CDK14: variants seen among roughly 807,000 people sequenced by gnomAD.
CDK14 encodes cyclin dependent kinase 14, also known as cyclin-dependent kinase 14.
CDK14 carries 34 observed loss-of-function variants against 60.7 expected under a neutral mutation model. That is an observed-to-expected ratio of 0.56 (90% CI 0.43 to 0.75). The LOEUF is 0.75. Ranked by LOEUF, CDK14 falls within the 30% of genes least tolerant of loss-of-function variation. The probability of loss-of-function intolerance (pLI) is 0.00; values close to 1 mark genes in which losing one functional copy is unlikely to be tolerated. For synonymous variants in CDK14, 197 were observed against 203.7 expected, an observed-to-expected ratio of 0.97 and a Z score of 0.28; for missense variants, 482 against 564.1, an observed-to-expected ratio of 0.85 and a Z score of 1.47.
chr7:90,620,210 A>C lies in CDK14; in HGVS notation c.123+15961A>C, dbSNP rs118134987. Among the ~76,000 whole-genome samples the C allele has an allele frequency of 9.7e-3, 1,471 of 152,332 alleles. 17 individuals carry two copies. The highest frequency in any genetic ancestry group is 0.019 in the East Asian group (101 of 5,190). On this transcript the variant is annotated intron_variant, in intron 2 of 14. Transcript: ENST00000380050. ...CTACCACTTCAAGGATCAGCAAGGCACAGACAAGCCACAGGAATTATTAAC... is the reference window on the plus strand; with the variant it reads ...CTACCACTTCAAGGATCAGCAAGGCCCAGACAAGCCACAGGAATTATTAAC...
At chr7:90,891,260 G>A (rs1792116058) in intron 6 of CDK14, among the ~76,000 whole-genome samples, 2 of 152,132 alleles carry the variant, frequency 1.3e-5, no homozygotes, top group African/African-American at 4.8e-5. Context: ...TAATCAGATG[G>A]CATGTATACC....
chr7:91,118,197 A>C lies in CDK14; in HGVS notation c.*17A>C. 5.5e-4 allele frequency: 800 copies of C among 1,455,514 alleles called. No homozygotes were observed. The highest frequency in any genetic ancestry group is 7.1e-4 in the Non-Finnish European group (732 of 1,036,592). 90.2% of individuals were successfully genotyped at this position (1,455,514 alleles called of 1,614,324 possible). On this transcript the variant is annotated 3_prime_UTR_variant, in exon 14 of 15. Transcript: ENST00000380050. Reference sequence around the variant, plus strand: ...AAGCACTGACAAGCAGCACATTCTCAAGAGCACACAGGTAAGAGGACCTGC... The same window carrying C: ...AAGCACTGACAAGCAGCACATTCTCCAGAGCACACAGGTAAGAGGACCTGC...
chr7:90,655,125 C>T (rs1800725042), intron 2 of CDK14, among the ~76,000 whole-genome samples: 1 of 152,196 alleles, frequency 6.6e-6, no homozygotes, highest in Non-Finnish European at 1.5e-5. Flanking sequence ...TAGCAGTATA[C>T]ACTTAAGGTT....
intron 4 of CDK14, among the ~76,000 whole-genome samples, chr7:90,775,485 T>C (rs1804985033): frequency 6.6e-6 from 1 of 152,142 alleles, no homozygotes; most frequent in African/African-American, 2.4e-5. Flanking sequence ...CTATTTGAAA[T>C]GGCAACTTGA....
chr7:90,694,730 G>A (rs879887267), intron 2 of CDK14, among the ~76,000 whole-genome samples: 3 of 152,178 alleles, frequency 2.0e-5, no homozygotes, highest in Non-Finnish European at 2.9e-5. Context: ...TGTCATGTAA[G>A]TGTTCTTAAA....
At chr7:90,733,745 G>T (rs1014843932) in intron 3 of CDK14, among the ~76,000 whole-genome samples, 1 of 152,152 alleles carries the variant, frequency 6.6e-6, no homozygotes, top group Non-Finnish European at 1.5e-5. Flanking sequence ...ACACTGATGG[G>T]TCTTGACTCT....
chr7:90,955,642 T>G, intron 8 of CDK14, 55 bp from the exon 9 acceptor site: 2 of 1,602,998 alleles, frequency 1.2e-6, no homozygotes, highest in African/African-American at 1.3e-5. Context: ...CAAATTTAAA[T>G]TCCCTTGTTT....
intron 14 of CDK14, among the ~76,000 whole-genome samples, chr7:91,201,551 A>G (rs2115998645): frequency 6.6e-6 from 1 of 152,120 alleles, no homozygotes; most frequent in Middle Eastern, 3.4e-3. Context: ...ACAACAAAAC[A>G]CAGTCAAACA....
intron 10 of CDK14, among the ~76,000 whole-genome samples, chr7:91,026,460 G>A (rs1007775693): frequency 4.5e-4 from 69 of 152,330 alleles, no homozygotes; most frequent in African/African-American, 1.5e-3. Context: ...TCTTATAGAA[G>A]TAAGATGGAA....
intron 11 of CDK14, among the ~76,000 whole-genome samples, chr7:91,077,962 G>T (rs932454935): frequency 2.6e-5 from 4 of 152,150 alleles, no homozygotes; most frequent in African/African-American, 9.6e-5. Context: ...GTCCAAGAAT[G>T]TTTTATCAAG....
chr7:91,152,293 A>G (rs917806813), intron 14 of CDK14, among the ~76,000 whole-genome samples: 10 of 152,148 alleles, frequency 6.6e-5, no homozygotes, highest in Admixed American at 3.9e-4. Context: ...TCCTTCACTT[A>G]TTTCATTACT....
chr7:91,021,892 A>T (rs1300242032), intron 10 of CDK14, among the ~76,000 whole-genome samples: 1 of 152,254 alleles, frequency 6.6e-6, no homozygotes, highest in African/African-American at 2.4e-5. Context: ...TATAGGTGCC[A>T]GTGCTATGTT....
chr7:90,635,693 G>A (rs916725583), intron 2 of CDK14, among the ~76,000 whole-genome samples: 136 of 152,100 alleles, frequency 8.9e-4, no homozygotes, highest in African/African-American at 3.1e-3. Flanking sequence ...AGCTTGATGG[G>A]GATGGCATTG....
intron 12 of CDK14, among the ~76,000 whole-genome samples, chr7:91,100,808 T>C (rs1302405671): frequency 6.6e-6 from 1 of 152,256 alleles, no homozygotes; most frequent in African/African-American, 2.4e-5. Context: ...TTCATTTTTC[T>C]GGCCCACTTT....
chr7:91,197,450 G>A (rs1055893193), intron 14 of CDK14, among the ~76,000 whole-genome samples: 2 of 150,990 alleles, frequency 1.3e-5, no homozygotes, highest in Non-Finnish European at 2.9e-5. Flanking sequence ...CCTCAGTTCA[G>A]AGACAGCTGG....
At chr7:90,826,883 A>G (rs1789743391) in intron 5 of CDK14, among the ~76,000 whole-genome samples, 2 of 152,148 alleles carry the variant, frequency 1.3e-5, no homozygotes, top group South Asian at 4.1e-4. Flanking sequence ...AAATTTATAC[A>G]TTAATATTAT....
At chr7:90,596,864 A>C (rs1389209560) in intron 1 of CDK14, 146 bp downstream of exon 1, 3 of 656,626 alleles carry the variant, frequency 4.6e-6, no homozygotes, top group Non-Finnish European at 8.0e-6. Flanking sequence ...AGTGCTAGGG[A>C]CCCGGGGGAG....
intron 7 of CDK14, among the ~76,000 whole-genome samples, chr7:90,907,386 A>G (rs1353316278): frequency 1.3e-5 from 2 of 152,054 alleles, no homozygotes; most frequent in Non-Finnish European, 2.9e-5. Context: ...TTCATCCTTT[A>G]TTCAGTTTTT....
chr7:90,862,448 T>G (rs903331439), intron 5 of CDK14, among the ~76,000 whole-genome samples: 1 of 152,140 alleles, frequency 6.6e-6, no homozygotes, highest in African/African-American at 2.4e-5. Context: ...CGGTCAATTC[T>G]CAAAGAAGAC....
Sources: gnomAD v4.1 joint callset for allele counts (sites outside exome capture counted in the v4.1 genomes callset) on GRCh38, gnomAD v4.1.1 for gene constraint, MANE v1.5 for transcripts, NCBI Gene and HGNC (gene_info 2026-07-23, HGNC 2026-07-21) for gene names.